Variants in LYRM9 observed in about 807,000 individuals in gnomAD.
The protein encoded by LYRM9 is LYR motif-containing protein 9.
LYRM9 carries 14 observed loss-of-function variants against 12.6 expected under a neutral mutation model. The observed-to-expected ratio is 1.11, with a 90% CI of 0.73 to 1.73. The LOEUF is 1.73. LYRM9 is among the 40% of genes most tolerant of loss of function. The pLI, the probability that LYRM9 is intolerant of heterozygous loss-of-function variation, is 0.00. For synonymous variants in LYRM9, 42 were observed against 35.1 expected, an observed-to-expected ratio of 1.20 and a Z score of -0.69; for missense variants, 94 against 95.0, an observed-to-expected ratio of 0.99 and a Z score of 0.04.
intron 1 of LYRM9, 74 bp from the exon 2 acceptor site, chr17:27,882,786 T>C: frequency 7.0e-7 from 1 of 1,432,910 alleles, no homozygotes; most frequent in Non-Finnish European, 9.4e-7. Context: ...CAGTTCCCAG[T>C]ACTCTGGGAA....
At chr17:27,890,524 A>G (rs1223331448) in intron 1 of LYRM9, among the ~76,000 whole-genome samples, 1 of 152,230 alleles carries the variant, frequency 6.6e-6, no homozygotes, top group African/African-American at 2.4e-5. Context: ...CAGAATTTTT[A>G]AAAAGAGAAA....
chr17:27,886,631 C>CTTTCT lies in LYRM9; in HGVS notation c.-18-3924_-18-3920dup, dbSNP rs148444754. Among the ~76,000 whole-genome samples, 4 of 143,192 alleles carry CTTTCT rather than the reference C, an allele frequency of 2.8e-5. No homozygotes were observed. Among genetic ancestry groups the CTTTCT allele is most frequent in the African/African-American group, 1.1e-4 (4 of 37,968 alleles). 93.9% of individuals were successfully genotyped at this position (143,192 alleles called of 152,430 possible). A position where few individuals can be genotyped will look rare whatever the true frequency, so the allele number is the denominator to read the frequency against. On this transcript the variant is annotated intron_variant, in intron 1 of 3. Coordinates refer to ENST00000379102, the MANE Select transcript of LYRM9 (RefSeq NM_001076680.3). The surrounding 1 kb of genome is among the most constrained non-coding windows in gnomAD (Gnocchi z 4.8). ...TCCTCAATCCCCATGCCACTGGTTT[C>CTTTCT]TTTCTTTTCTTTTCTTTTTTTATTT...
At chr17:27,880,145 C>T (rs1424680690) in intron 3 of LYRM9, 129 bp downstream of exon 3, 2 of 749,848 alleles carry the variant, frequency 2.7e-6, no homozygotes, top group Non-Finnish European at 4.7e-6. Flanking sequence ...AGGAGGGAAG[C>T]AGCTGGCTGG....
intron 1 of LYRM9, among the ~76,000 whole-genome samples, chr17:27,891,017 C>G (rs1905423317): frequency 6.6e-6 from 1 of 151,510 alleles, no homozygotes; most frequent in African/African-American, 2.4e-5. Context: ...TACCTTGGTT[C>G]CCAGCTTTGT....
chr17:27,890,586 A>C (rs1905402599), intron 1 of LYRM9, among the ~76,000 whole-genome samples: 1 of 152,226 alleles, frequency 6.6e-6, no homozygotes, highest in Non-Finnish European at 1.5e-5. Flanking sequence ...ACTGGCACAG[A>C]TGTTGAGAAG....
chr17:27,892,222 G>A (rs1035355895), intron 1 of LYRM9: 7 of 312,606 alleles, frequency 2.2e-5, no homozygotes, highest in Non-Finnish European at 3.7e-5. Flanking sequence ...GAGCCACTGC[G>A]CCCAGCGTTG....
rs931170412 is a variant in LYRM9, at chr17:27,886,095, C to T, written c.-18-3383G>A. On this transcript the variant is annotated intron_variant, in intron 1 of 3. Coordinates refer to ENST00000379102, the MANE Select transcript of LYRM9 (RefSeq NM_001076680.3). This position sits in a 1 kb window ranked among gnomAD's most constrained non-coding sequence, Gnocchi z 4.8. ...AGTCCCAAACCTGATGGGTAGACTC[C>T]ACTGGCAGGCTTCCCCAAACTATAT... Among the ~76,000 whole-genome samples, 6 of 152,090 alleles carry T rather than the reference C, an allele frequency of 3.9e-5. No homozygotes were observed. Among genetic ancestry groups the T allele is most frequent in the Non-Finnish European group, 7.3e-5 (5 of 68,028 alleles).
chr17:27,883,259 G>A, intron 1 of LYRM9: 1 of 280,008 alleles, frequency 3.6e-6, no homozygotes, highest in Admixed American at 4.8e-5. Flanking sequence ...GATGCCAGGA[G>A]ATTTGCAGGC....
intron 1 of LYRM9, among the ~76,000 whole-genome samples, chr17:27,885,383 C>A (rs1052399523): frequency 2.0e-5 from 3 of 152,124 alleles, no homozygotes; most frequent in Non-Finnish European, 2.9e-5. Context: ...TAGCAGAAGG[C>A]AGAGCTGAGA....
At position 27,880,362 on chromosome 17, in the gene LYRM9, A is replaced by G; in HGVS notation, c.131T>C (p.Phe44Ser). The change falls in exon 3 of 4, where the codon TTT becomes TCT. Residue 44 changes from phenylalanine to serine, a missense_variant. By Grantham distance (155) the Phe-to-Ser change is radical. Transcript: ENST00000379102. ...GTTGTCTTCATCTGAATGAACCCGA[A>G]AACTCTGCAAGTTTAAGCATAAAGA... ...QHYKHAVRQSFRVHSDEDNPE... is the reference protein window; with the variant it reads ...QHYKHAVRQSSRVHSDEDNPE... 6.2e-7 allele frequency: 1 copy of G among 1,601,440 alleles called. No individual in the cohort carries two copies. Among genetic ancestry groups the G allele is most frequent in the Non-Finnish European group, 8.5e-7 (1 of 1,173,414 alleles).
Position 27,878,433 on chromosome 17 carries a change from G to A in LYRM9, c.*1040C>T, listed in dbSNP as rs1904918039. 1 of 152,192 alleles carries A rather than the reference G, an allele frequency of 6.6e-6. No homozygotes were observed. The highest frequency in any genetic ancestry group is 1.5e-5 in the Non-Finnish European group (1 of 68,040). The allele number at this position is 152,192 out of a possible 1,614,324, so 9.4% of individuals were successfully genotyped here. Reference sequence around the variant, plus strand: ...CATAGATATCTCTGAGTCACTTTAAGTCACATAACTGCAAGGATACAAACA... The same window carrying A: ...CATAGATATCTCTGAGTCACTTTAAATCACATAACTGCAAGGATACAAACA... On this transcript the variant is annotated 3_prime_UTR_variant, in exon 4 of 4. Coordinates refer to ENST00000379102, the MANE Select transcript of LYRM9 (RefSeq NM_001076680.3).
chr17:27,880,208 T>C lies in LYRM9; in HGVS notation c.219+66A>G, dbSNP rs1567662166. On this transcript the variant is annotated intron_variant, in intron 3 of 3. Coordinates refer to ENST00000379102, the MANE Select transcript of LYRM9 (RefSeq NM_001076680.3). ...ACTGTGGGGCAGGAGTGGCCTCTAG[T>C]GGTCATGGGGATCACAGCCATCATC... is the stretch of plus-strand genomic sequence containing the variant. 3.9e-6 allele frequency: 5 copies of C among 1,269,862 alleles called. No homozygotes were observed. The Admixed American group carries it at 5.8e-5, about 15-fold the overall frequency. The allele number at this position is 1,269,862 out of a possible 1,614,324, so 78.7% of individuals were successfully genotyped here. A position where few individuals can be genotyped will look rare whatever the true frequency, so the allele number is the denominator to read the frequency against.
intron 1 of LYRM9, among the ~76,000 whole-genome samples, chr17:27,890,398 A>T (rs1432905586): frequency 6.6e-6 from 1 of 152,256 alleles, no homozygotes; most frequent in Non-Finnish European, 1.5e-5. Flanking sequence ...ATGGAAAAAA[A>T]AAATCAAAAG....
In LYRM9 at chr17:27,880,195, G is replaced by A. The variant is rs1265847860; in HGVS notation, c.219+79C>T. 8 of 1,085,148 alleles carry A rather than the reference G, an allele frequency of 7.4e-6. No individual in the cohort carries two copies. In the South Asian group the frequency reaches 9.3e-5, roughly 13 times the overall value. The allele number at this position is 1,085,148 out of a possible 1,614,324, so 67.2% of individuals were successfully genotyped here. On this transcript the variant is annotated intron_variant, in intron 3 of 3. Transcript: ENST00000379102. ...GGGACCATTCTCAACTGTGGGGCAG[G>A]AGTGGCCTCTAGTGGTCATGGGGAT...
chr17:27,880,205 T>C, intron 3 of LYRM9, 69 bp downstream of exon 3: 2 of 1,237,072 alleles, frequency 1.6e-6, no homozygotes, highest in South Asian at 2.6e-5. Flanking sequence ...GAGTGGCCTC[T>C]AGTGGTCATG....
intron 1 of LYRM9, chr17:27,892,466 G>A (rs1427721651): frequency 4.4e-6 from 2 of 450,998 alleles, no homozygotes; most frequent in East Asian, 1.4e-4. Context: ...ACTAAAGCCA[G>A]CAGGAAACTG....
At chr17:27,892,424 G>A in intron 1 of LYRM9, 1 of 456,054 alleles carries the variant, frequency 2.2e-6, no homozygotes, top group Non-Finnish European at 4.4e-6. Flanking sequence ...AAGTTCCATA[G>A]ATGTCAATTG....
intron 1 of LYRM9, among the ~76,000 whole-genome samples, chr17:27,888,342 C>T (rs1905304403): frequency 6.6e-6 from 1 of 152,210 alleles, no homozygotes; most frequent in Non-Finnish European, 1.5e-5. Context: ...GCCTCTAGTT[C>T]AGGCTCTTGC....
chr17:27,879,837 C>T lies in LYRM9; in HGVS notation c.220-347G>A, dbSNP rs939925871. ...CCAAGACGCCAGTCTACATTCCTGACTCACTCCCTTCCTCCACCAAAACAT... is the reference window on the plus strand; with the variant it reads ...CCAAGACGCCAGTCTACATTCCTGATTCACTCCCTTCCTCCACCAAAACAT... On this transcript the variant is annotated intron_variant, in intron 3 of 3. Coordinates refer to ENST00000379102, the MANE Select transcript of LYRM9 (RefSeq NM_001076680.3). 7 of 562,060 alleles carry T rather than the reference C, an allele frequency of 1.2e-5. No individual in the cohort carries two copies. The African/African-American group carries it at 1.3e-4, about 11-fold the overall frequency. 34.8% of individuals were successfully genotyped at this position (562,060 alleles called of 1,614,324 possible). A position where few individuals can be genotyped will look rare whatever the true frequency, so the allele number is the denominator to read the frequency against.
Sources: allele counts gnomAD v4.1 joint callset (sites outside exome capture counted in the v4.1 genomes callset), GRCh38; gene constraint gnomAD v4.1.1; non-coding constraint Gnocchi (gnomAD v3.1); transcripts MANE v1.5; gene names NCBI Gene and HGNC (gene_info 2026-07-23, HGNC 2026-07-21).